The following ANKAR variants were observed in gnomAD, a reference collection of about 807,000 sequenced individuals.
The protein encoded by ANKAR is ankyrin and armadillo repeat containing.
ANKAR carries 136 observed loss-of-function variants against 146.2 expected under a neutral mutation model. That is an observed-to-expected ratio of 0.93 (90% CI 0.81 to 1.07). The LOEUF is 1.07. Ranked by LOEUF, ANKAR falls within the 50% of genes least tolerant of loss-of-function variation. ANKAR has a pLI of 0.00. For missense variants in ANKAR, 1,567 were observed against 1,679.9 expected (o/e 0.93, Z 1.18); for synonymous variants, 500 against 575.8 (o/e 0.87, Z 1.88).
chr2:189,703,943 G>A (rs1361130393), intron 7 of ANKAR, among the ~76,000 whole-genome samples: 3 of 152,158 alleles, frequency 2.0e-5, no homozygotes, highest in Non-Finnish European at 4.4e-5. Flanking sequence ...CTGCCCTCAT[G>A]ATCCAGTTAC....
Position 189,707,002 on chromosome 2 carries a change from T to C in ANKAR, c.1975T>C (p.Phe659Leu), listed in dbSNP as rs974373397. 7 of 1,613,622 alleles carry C rather than the reference T, an allele frequency of 4.3e-6. No individual in the cohort carries two copies. In the South Asian group the frequency reaches 6.6e-5, roughly 15 times the overall value. Residue 659 changes from phenylalanine to leucine, a missense_variant, in exon 9 of 23, where the codon TTT becomes CTT. Physicochemically the swap from Phe to Leu is conservative, Grantham distance 22. Transcript: ENST00000684021. ...SGALDTIQYL[F>L]SIGANWRKTD... ...AGCACTGGACACTATTCAATACCTG[T>C]TTTCTATCGGTGCTAACTGGAGAAA...
chr2:189,678,679 G>T (rs773862180), intron 2 of ANKAR, among the ~76,000 whole-genome samples: 1 of 152,080 alleles, frequency 6.6e-6, no homozygotes, highest in Non-Finnish European at 1.5e-5. Context: ...GTTGAATAAG[G>T]GTGCCCTTTC....
chr2:189,705,251 T>A (rs1373976066), intron 8 of ANKAR, 27 bp downstream of exon 8: 5 of 1,597,948 alleles, frequency 3.1e-6, no homozygotes, highest in Non-Finnish European at 3.4e-6. Context: ...TTATATCAGG[T>A]TGAGGTTGAT....
At position 189,707,131 on chromosome 2, in the gene ANKAR, T is replaced by G; in HGVS notation, c.2104T>G (p.Trp702Gly). The G allele has an allele frequency of 6.5e-7, 1 of 1,528,756 alleles. No homozygotes were observed. The highest frequency in any genetic ancestry group is 1.3e-5 in the South Asian group (1 of 78,982). 94.7% of individuals were successfully genotyped at this position (1,528,756 alleles called of 1,614,324 possible). A position where few individuals can be genotyped will look rare whatever the true frequency, so the allele number is the denominator to read the frequency against. Reference protein sequence around the residue: ...IKLNIPELPVWKTLVEMLQCE... With the variant: ...IKLNIPELPVGKTLVEMLQCE... ...ATTAAATATTCCTGAACTCCCAGTG[T>G]GGAAAACTTTGGTAGGTGAGTATAA... The change falls in exon 9 of 23, where the codon TGG becomes GGG. Residue 702 changes from tryptophan (W) to glycine (G), a missense_variant. Transcript: ENST00000684021.
intron 18 of ANKAR, among the ~76,000 whole-genome samples, chr2:189,753,734 AT>A (rs2045646244): frequency 6.6e-6 from 1 of 152,240 alleles, no homozygotes; most frequent in South Asian, 2.1e-4. Context: ...CAGCTGTCCC[AT>A]AAAGCTACCA....
chr2:189,742,977 CA>C (rs1360654276), intron 20 of ANKAR, among the ~76,000 whole-genome samples: 3 of 122,640 alleles, frequency 2.4e-5, no homozygotes, highest in African/African-American at 5.8e-5. Context: ...CACACACACA[CA>C]CACCCCTGAA....
At chr2:189,754,482 T>C in intron 18 of ANKAR, 1 of 790,022 alleles carries the variant, frequency 1.3e-6, no homozygotes, top group Non-Finnish European at 2.0e-6. Flanking sequence ...TTGGCAAATA[T>C]AGACTATAGC....
chr2:189,738,473 A>AT (rs906142430), intron 18 of ANKAR, 92 bp from the exon 19 acceptor site: 51 of 682,478 alleles, frequency 7.5e-5, no homozygotes, highest in South Asian at 1.8e-4. Flanking sequence ...TATCAAAAGA[A>AT]TTAAAAAAAA....
downstream of ANKAR, chr2:189,761,383 C>G: frequency 6.4e-7 from 1 of 1,553,268 alleles, no homozygotes; most frequent in Non-Finnish European, 8.7e-7. Context: ...TTACTTTTTC[C>G]AAAAAAGTGG....
intron 12 of ANKAR, among the ~76,000 whole-genome samples, chr2:189,721,358 T>G (rs1235863380): frequency 2.0e-5 from 3 of 152,150 alleles, no homozygotes; most frequent in Non-Finnish European, 4.4e-5. Context: ...TTAAAAAAGT[T>G]TAATTAGACA....
chr2:189,739,231 T>C, intron 19 of ANKAR, among the ~76,000 whole-genome samples: 1 of 152,224 alleles, frequency 6.6e-6, no homozygotes, highest in East Asian at 1.9e-4. Flanking sequence ...TAATATTTAA[T>C]TGACTTGTTA....
At chr2:189,728,169 AAAACT>A in intron 13 of ANKAR, 72 bp downstream of exon 13, 1 of 1,509,442 alleles carries the variant, frequency 6.6e-7, no homozygotes, top group Non-Finnish European at 8.9e-7. Context: ...AGTGAATAGA[AAAACT>A]AAACCAATTC....
At chr2:189,677,116 ATTTTTT>A (rs61285192) in intron 2 of ANKAR, 25 bp downstream of exon 2, 2 of 1,281,216 alleles carry the variant, frequency 1.6e-6, no homozygotes, top group Non-Finnish European at 2.0e-6. Flanking sequence ...CACTTCTTAA[ATTTTTT>A]TTTTTTTTTT....
chr2:189,685,464 C>T, intron 2 of ANKAR, among the ~76,000 whole-genome samples: 1 of 152,276 alleles, frequency 6.6e-6, no homozygotes, highest in South Asian at 2.1e-4. Flanking sequence ...TCATCCTCTT[C>T]CTTTTGTCAG....
intron 18 of ANKAR, chr2:189,753,219 ATATT>A (rs1180733564): frequency 1.2e-5 from 3 of 258,094 alleles, no homozygotes; most frequent in South Asian, 1.1e-4. Context: ...TTTCATCTAA[ATATT>A]TATTTAATAT....
At chr2:189,730,744 CAAAAAT>C (rs998660135) in intron 16 of ANKAR, 143 bp downstream of exon 16, 12 of 417,108 alleles carry the variant, frequency 2.9e-5, no homozygotes, top group Middle Eastern at 6.7e-4. Context: ...AGAAATAAGC[CAAAAAT>C]AAAAATAAAA....
chr2:189,692,795 A>C, intron 4 of ANKAR: 1 of 256,994 alleles, frequency 3.9e-6, no homozygotes, highest in Non-Finnish European at 7.2e-6. Context: ...AGATCCTTTA[A>C]AATTTTGGAA....
chr2:189,700,139 C>T (rs532003175), intron 7 of ANKAR, among the ~76,000 whole-genome samples: 1 of 151,992 alleles, frequency 6.6e-6, no homozygotes, highest in East Asian at 1.9e-4. Flanking sequence ...TTTTAACATG[C>T]CTTGCAGGGC....
chr2:189,717,830 C>T (rs1041537931), intron 10 of ANKAR, among the ~76,000 whole-genome samples: 1 of 152,088 alleles, frequency 6.6e-6, no homozygotes, highest in Non-Finnish European at 1.5e-5. Context: ...AGCAAACTAT[C>T]ACAAGGACAG....
Sources: allele counts gnomAD v4.1 joint callset (sites outside exome capture counted in the v4.1 genomes callset), GRCh38; gene constraint gnomAD v4.1.1; transcripts MANE v1.5; gene names NCBI Gene and HGNC (gene_info 2026-07-23, HGNC 2026-07-21).